Variants in DSE observed in about 807,000 individuals in gnomAD.
DSE encodes the protein dermatan sulfate epimerase.
DSE carries 36 observed loss-of-function variants against 84.4 expected under a neutral mutation model. That is an observed-to-expected ratio of 0.43 (90% CI 0.33 to 0.56). The LOEUF (loss-of-function observed/expected upper bound fraction) is 0.56, where lower values mean the gene tolerates loss of function less well. DSE is among the 20% of genes least tolerant of loss of function. The pLI, the probability that DSE is intolerant of heterozygous loss-of-function variation, is 0.06. For missense variants in DSE, 862 were observed against 1,169.6 expected (o/e 0.74, Z 3.84); for synonymous variants, 410 against 430.1 (o/e 0.95, Z 0.58).
intron 2 of DSE, among the ~76,000 whole-genome samples, chr6:116,331,625 A>G (rs1776942591): frequency 6.6e-6 from 1 of 152,204 alleles, no homozygotes. Flanking sequence ...GCTACCTGCC[A>G]CTGAAAGTCC....
intron 2 of DSE, among the ~76,000 whole-genome samples, chr6:116,332,898 C>T (rs1777035149): frequency 6.6e-6 from 1 of 152,088 alleles, no homozygotes; most frequent in African/African-American, 2.4e-5. Flanking sequence ...ATAGATACCC[C>T]AATTGCCAGC....
chr6:116,425,175 T>G (rs1040981829), intron 2 of DSE, among the ~76,000 whole-genome samples: 13 of 152,260 alleles, frequency 8.5e-5, no homozygotes, highest in Non-Finnish European at 1.5e-4. Flanking sequence ...TAAAAAAGCC[T>G]GTATTATTAT....
intron 2 of DSE, chr6:116,288,240 C>G (rs999396874): frequency 6.6e-6 from 1 of 151,848 alleles, no homozygotes; most frequent in Non-Finnish European, 1.5e-5. Flanking sequence ...ATTTCACAAG[C>G]CTATTATGAA....
chr6:116,304,022 G>A (rs2114711656), intron 2 of DSE, among the ~76,000 whole-genome samples: 1 of 151,836 alleles, frequency 6.6e-6, no homozygotes, highest in East Asian at 1.9e-4. Context: ...CGTAGTCCCA[G>A]CTACTCAGGA....
At chr6:116,349,613 A>C (rs1018108556) in intron 2 of DSE, among the ~76,000 whole-genome samples, 2 of 152,130 alleles carry the variant, frequency 1.3e-5, no homozygotes, top group African/African-American at 4.8e-5. Flanking sequence ...ACTTTTACCA[A>C]ATATGCTGCT....
chr6:116,350,269 A>G (rs933449452), intron 2 of DSE, among the ~76,000 whole-genome samples: 11 of 152,230 alleles, frequency 7.2e-5, no homozygotes, highest in Admixed American at 2.0e-4. Context: ...GAGGAAGAGT[A>G]TGAAGATCAA....
intron 2 of DSE, among the ~76,000 whole-genome samples, chr6:116,354,539 A>G (rs2640857): frequency 0.022 from 3,397 of 152,288 alleles, 138 homozygotes; most frequent in African/African-American, 0.078. Context: ...AACTCTGTCA[A>G]AATGGGAAGG....
Position 116,339,105 on chromosome 6 carries a change from G to T in DSE, c.-53-60093G>T, listed in dbSNP as rs532791697. 3.3e-5 allele frequency among the ~76,000 whole-genome samples: 5 copies of T among 152,264 alleles called. No individual in the cohort carries two copies. In the East Asian group the frequency reaches 7.7e-4, roughly 23 times the overall value. On this transcript the variant is annotated intron_variant, in intron 2 of 3. Transcript: ENST00000430252. ...CTTGTCTGTAACTGGCTGAAAAAGT[G>T]CAGGGTGAGATCTCCTCCACCCCAG...
At chr6:116,406,981 A>C (rs1781971810) in intron 2 of DSE, among the ~76,000 whole-genome samples, 2 of 152,248 alleles carry the variant, frequency 1.3e-5, no homozygotes, top group South Asian at 4.1e-4. Context: ...AATGAAGACC[A>C]CAGTTAAAAC....
intron 2 of DSE, among the ~76,000 whole-genome samples, chr6:116,267,850 C>G (rs1169567713): frequency 6.6e-6 from 1 of 151,114 alleles, no homozygotes; most frequent in African/African-American, 2.5e-5. Context: ...CTAACCATGA[C>G]AAAGCTTGAG....
chr6:116,430,173 G>T (rs1783732361), intron 3 of DSE, among the ~76,000 whole-genome samples: 1 of 152,128 alleles, frequency 6.6e-6, no homozygotes, highest in Non-Finnish European at 1.5e-5. Flanking sequence ...TTCATTATTA[G>T]TTTGCCTTTC....
chr6:116,357,893 T>G (rs1030494965), intron 2 of DSE, among the ~76,000 whole-genome samples: 1 of 152,244 alleles, frequency 6.6e-6, no homozygotes, highest in South Asian at 2.1e-4. Context: ...TTTTGATGTA[T>G]TTCCTTCTGA....
chr6:116,386,499 G>A (rs1780584874), intron 1 of DSE, among the ~76,000 whole-genome samples: 1 of 152,214 alleles, frequency 6.6e-6, no homozygotes, highest in Non-Finnish European at 1.5e-5. Context: ...AAGCTTCTAG[G>A]TGTCCACTCC....
intron 2 of DSE, among the ~76,000 whole-genome samples, chr6:116,291,976 A>C (rs1774308576): frequency 6.6e-6 from 1 of 152,172 alleles, no homozygotes; most frequent in Non-Finnish European, 1.5e-5. Flanking sequence ...GGAGAGATCA[A>C]CAGTTCAGCT....
chr6:116,407,994 A>G (rs977908096), intron 2 of DSE, among the ~76,000 whole-genome samples: 33 of 152,352 alleles, frequency 2.2e-4, no homozygotes, highest in African/African-American at 7.2e-4. Flanking sequence ...TTCTGCCTAC[A>G]GACTGATTTA....
upstream of DSE, among the ~76,000 whole-genome samples, chr6:116,367,922 C>A (rs937126760): frequency 2.0e-5 from 3 of 152,012 alleles, no homozygotes; most frequent in African/African-American, 7.3e-5. Context: ...AGTCTGAAAC[C>A]GAGGCAAGAA....
chr6:116,268,786 C>T (rs984065587), intron 2 of DSE, among the ~76,000 whole-genome samples: 6 of 152,092 alleles, frequency 3.9e-5, no homozygotes, highest in Admixed American at 1.3e-4. Flanking sequence ...GATGATAGTA[C>T]GATTCTGTTT....
At chr6:116,358,552 T>C (rs1366860723) in intron 2 of DSE, among the ~76,000 whole-genome samples, 1 of 152,204 alleles carries the variant, frequency 6.6e-6, no homozygotes, top group Admixed American at 6.5e-5. Context: ...ACCTTTTCGT[T>C]GATGAGCTGA....
intron 2 of DSE, among the ~76,000 whole-genome samples, chr6:116,424,319 C>G (rs763755508): frequency 5.9e-5 from 9 of 152,238 alleles, no homozygotes; most frequent in Admixed American, 1.3e-4. Flanking sequence ...ACAAACAGTA[C>G]ACACACTGGC....
Sources: gnomAD v4.1 joint callset for allele counts (sites outside exome capture counted in the v4.1 genomes callset) on GRCh38, gnomAD v4.1.1 for gene constraint, MANE v1.5 for transcripts, NCBI Gene and HGNC (gene_info 2026-07-23, HGNC 2026-07-21) for gene names.